Variants in PTPRJ observed in about 807,000 individuals in gnomAD.
The protein encoded by PTPRJ is receptor-type tyrosine-protein phosphatase eta.
A neutral mutation model predicts 141.3 loss-of-function variants in PTPRJ; 129 were observed. That is an observed-to-expected ratio of 0.91 (90% CI 0.79 to 1.06). The LOEUF is 1.06. Among genes scored for constraint, PTPRJ ranks in the 50% least tolerant of loss-of-function variants. The probability of loss-of-function intolerance (pLI) is 0.00; values close to 1 mark genes in which losing one functional copy is unlikely to be tolerated. For synonymous variants in PTPRJ, 610 were observed against 640.5 expected (o/e 0.95, Z 0.72); for missense variants, 1,601 against 1,679.7 (o/e 0.95, Z 0.82).
chr11:48,134,129 A>G (rs1038911104), intron 8 of PTPRJ, among the ~76,000 whole-genome samples: 2 of 152,218 alleles, frequency 1.3e-5, no homozygotes, highest in Non-Finnish European at 2.9e-5. Context: ...TACCACAATA[A>G]AAATGAAAAG....
At chr11:48,128,113 G>A (rs1305302384) in intron 7 of PTPRJ, 70 bp downstream of exon 7, 5 of 1,517,864 alleles carry the variant, frequency 3.3e-6, no homozygotes, top group African/African-American at 2.7e-5. Context: ...GACACAGGAT[G>A]CATGATGTAG....
At chr11:48,061,315 C>T (rs902602681) in intron 1 of PTPRJ, among the ~76,000 whole-genome samples, 3 of 152,164 alleles carry the variant, frequency 2.0e-5, no homozygotes, top group Admixed American at 6.5e-5. Context: ...CTCAGTTTCA[C>T]GCACACATAG....
chr11:48,161,372 G>A (rs1857773781), intron 22 of PTPRJ, among the ~76,000 whole-genome samples: 1 of 152,004 alleles, frequency 6.6e-6, no homozygotes, highest in Admixed American at 6.6e-5. Context: ...GGTGGGTTTT[G>A]GGGGTTGATG....
rs35405916 is a variant in PTPRJ at position 48,069,445 on chromosome 11, A to ATTTT, written c.97-40595_97-40592dup. Among the ~76,000 whole-genome samples, 4 of 121,322 alleles carry ATTTT rather than the reference A, an allele frequency of 3.3e-5. 1 individual carries two copies. Among genetic ancestry groups the ATTTT allele is most frequent in the Non-Finnish European group, 6.7e-5 (4 of 59,588 alleles). 79.6% of individuals were successfully genotyped at this position (121,322 alleles called of 152,430 possible). A position where few individuals can be genotyped will look rare whatever the true frequency, so the allele number is the denominator to read the frequency against. ...GGCTGTGATAAAAACTACATTGATA[A>ATTTT]TTTTTTTTTTTTTTTTTTTTTGGAG... On this transcript the variant is annotated intron_variant, in intron 1 of 24. Transcript: ENST00000418331.
chr11:48,164,558 A>AT (rs60806872), intron 24 of PTPRJ, 43 bp downstream of exon 24: 21,561 of 769,688 alleles, frequency 0.028, 269 homozygotes, highest in South Asian at 0.033. Context: ...CTTCCCCTCC[A>AT]TTTTTTTTTT....
chr11:48,144,839 A>G lies in PTPRJ; in HGVS notation c.2740A>G (p.Thr914Ala). 6.2e-7 allele frequency: 1 copy of G among 1,614,198 alleles called. No individual in the cohort carries two copies. Among genetic ancestry groups the G allele is most frequent in the South Asian group, 1.1e-5 (1 of 91,080 alleles). ...AATTGACGTTGGGAATGAGTCAACCACACTTGGTTATTACAATGGGAAGCT... is the reference window on the plus strand; with the variant it reads ...AATTGACGTTGGGAATGAGTCAACCGCACTTGGTTATTACAATGGGAAGCT... ...YEIDVGNESTTLGYYNGKLEP... is the reference protein window; with the variant it reads ...YEIDVGNESTALGYYNGKLEP... The change falls in exon 13 of 25, where the codon ACA becomes GCA. Residue 914 changes from threonine (T) to alanine (A), a missense_variant. Coordinates refer to ENST00000418331, the MANE Select transcript of PTPRJ (RefSeq NM_002843.4).
At chr11:48,121,293 T>A (rs1164240736) in intron 4 of PTPRJ, 27 bp downstream of exon 4, 2 of 1,608,006 alleles carry the variant, frequency 1.2e-6, no homozygotes, top group East Asian at 4.5e-5. Flanking sequence ...CCAGGGATGA[T>A]GACAAACCAT....
intron 4 of PTPRJ, among the ~76,000 whole-genome samples, chr11:48,122,805 T>A (rs1168183470): frequency 6.6e-6 from 1 of 152,192 alleles, no homozygotes; most frequent in Admixed American, 6.5e-5. Context: ...TGCCTTAGAA[T>A]CATCTAGGCC....
At chr11:48,082,410 ATTTT>A (rs386373791) in intron 1 of PTPRJ, among the ~76,000 whole-genome samples, 2 of 125,250 alleles carry the variant, frequency 1.6e-5, no homozygotes, top group Non-Finnish European at 1.6e-5. Context: ...TACCTGGCAA[ATTTT>A]TTTTTTTTTT....
intron 1 of PTPRJ, among the ~76,000 whole-genome samples, chr11:47,995,289 A>G (rs1320918496): frequency 6.6e-6 from 1 of 152,206 alleles, no homozygotes; most frequent in Non-Finnish European, 1.5e-5. Context: ...GTACATATTA[A>G]CTCATTTAAT....
In PTPRJ at chr11:48,158,030, T is replaced by C. The variant is rs1056430394; in HGVS notation, c.3439-1900T>C. On this transcript the variant is annotated intron_variant, in intron 21 of 24. Transcript: ENST00000418331. The surrounding 1 kb of genome is among the most constrained non-coding windows in gnomAD (Gnocchi z 4.4). ...AGCCAGGCGTGGTGGTGCATGCCTG[T>C]AATCCCAGCTACTTGGGAGGCTGAG... Among the ~76,000 whole-genome samples the C allele has an allele frequency of 1.3e-5, 2 of 152,084 alleles. No individual in the cohort carries two copies. Among genetic ancestry groups the C allele is most frequent in the African/African-American group, 2.4e-5 (1 of 41,410 alleles).
chr11:48,153,123 A>G (rs1857522069), intron 18 of PTPRJ, among the ~76,000 whole-genome samples: 1 of 152,200 alleles, frequency 6.6e-6, no homozygotes, highest in Non-Finnish European at 1.5e-5. Flanking sequence ...CCGGGGAAGA[A>G]AGCTTTAATC....
chr11:48,113,541 G>A (rs1342738171), intron 3 of PTPRJ, among the ~76,000 whole-genome samples: 1 of 152,238 alleles, frequency 6.6e-6, no homozygotes, highest in East Asian at 1.9e-4. Flanking sequence ...GGCTTGTAAA[G>A]CCTGAAATAT....
At chr11:48,061,321 C>T (rs1854915458) in intron 1 of PTPRJ, among the ~76,000 whole-genome samples, 1 of 152,302 alleles carries the variant, frequency 6.6e-6, no homozygotes, top group Non-Finnish European at 1.5e-5. Flanking sequence ...TTCACGCACA[C>T]ATAGGAGTGG....
chr11:48,149,545 T>C, intron 16 of PTPRJ, 57 bp downstream of exon 16: 1 of 1,150,080 alleles, frequency 8.7e-7, no homozygotes, highest in Non-Finnish European at 1.2e-6. Flanking sequence ...TCGGTGACTA[T>C]CTATAAATAA....
intron 22 of PTPRJ, among the ~76,000 whole-genome samples, chr11:48,160,400 T>C (rs1168447023): frequency 1.3e-5 from 2 of 152,208 alleles, no homozygotes; most frequent in East Asian, 1.9e-4. Flanking sequence ...GTTAGAAATA[T>C]GGCATCAGGA....
Position 48,167,357 on chromosome 11 carries a change from G to A in PTPRJ, c.4009G>A (p.Ala1337Thr), listed in dbSNP as rs200505007. 1.6e-5 allele frequency: 26 copies of A among 1,613,728 alleles called. No individual in the cohort carries two copies. Among genetic ancestry groups the A allele is most frequent in the East Asian group, 8.9e-5 (4 of 44,898 alleles). The change falls in exon 25 of 25, where the codon GCC (alanine) becomes ACC (threonine). Residue 1337 changes from alanine (A) to threonine (T), a missense_variant. Transcript: ENST00000418331. Reference protein sequence around the residue: ...TTFGKTNGYIA With the variant: ...TTFGKTNGYIT ...ATTTGGAAAGACCAATGGTTACATC[G>A]CCTAATTCCAAAGGAATAACCTTTC...
chr11:48,119,321 C>T (rs1474385558), intron 3 of PTPRJ, among the ~76,000 whole-genome samples: 4 of 152,196 alleles, frequency 2.6e-5, no homozygotes, highest in African/African-American at 7.2e-5. Context: ...TCTGGCATGA[C>T]GTTTATTGAA....
chr11:48,050,718 AT>A (rs11320653), intron 1 of PTPRJ, among the ~76,000 whole-genome samples: 63,343 of 151,170 alleles, frequency 0.42, 18,265 homozygotes, highest in African/African-American at 0.83. Context: ...AATTTAGGGA[AT>A]TTTTTTTTTC....
Sources: gnomAD v4.1 joint callset for allele counts (sites outside exome capture counted in the v4.1 genomes callset) on GRCh38, gnomAD v4.1.1 for gene constraint, Gnocchi (gnomAD v3.1) non-coding constraint, MANE v1.5 for transcripts, NCBI Gene and HGNC (gene_info 2026-07-23, HGNC 2026-07-21) for gene names.